Variants in FAM53B observed in about 807,000 individuals in gnomAD.
FAM53B encodes family with sequence similarity 53 member B.
A neutral mutation model predicts 32.7 loss-of-function variants in FAM53B; 12 were observed. That is an observed-to-expected ratio of 0.37 (90% CI 0.24 to 0.59). The LOEUF (loss-of-function observed/expected upper bound fraction) is 0.59, where lower values mean the gene tolerates loss of function less well. Ranked by LOEUF, FAM53B falls within the 20% of genes least tolerant of loss-of-function variation. FAM53B has a pLI of 0.72. For missense variants in FAM53B, 477 were observed against 577.7 expected (o/e 0.83, Z 1.79); for synonymous variants, 234 against 228.7 (o/e 1.02, Z -0.21).
chr10:124,734,653 C>T (rs113014144), intron 1 of FAM53B, among the ~76,000 whole-genome samples: 4,258 of 152,324 alleles, frequency 0.028, 97 homozygotes, highest in Non-Finnish European at 0.045. Flanking sequence ...GGGGCTGTCA[C>T]AGTCTGGAGT....
At chr10:124,673,506 C>T (rs1949719537) in intron 4 of FAM53B, among the ~76,000 whole-genome samples, 1 of 152,226 alleles carries the variant, frequency 6.6e-6, no homozygotes. Flanking sequence ...ACCCCGAGCC[C>T]TCCTGCATGG....
rs1210968941 is a variant in FAM53B at position 124,733,962 on chromosome 10, C to A, written c.-175+10051G>T. On this transcript the variant is annotated intron_variant, in intron 1 of 4. Transcript: ENST00000337318. The surrounding 1 kb of genome is among the most constrained non-coding windows in gnomAD (Gnocchi z 4.3). ...TCCCATGGTGCTGTGACTGGGGACA[C>A]CTGCTCTCCTGGTCTCGAATGTCTC... Among the ~76,000 whole-genome samples the A allele has an allele frequency of 6.6e-6, 1 of 152,220 alleles. No individual in the cohort carries two copies. Among genetic ancestry groups the A allele is most frequent in the Non-Finnish European group, 1.5e-5 (1 of 68,044 alleles).
intron 1 of FAM53B, among the ~76,000 whole-genome samples, chr10:124,739,265 T>C (rs1950187836): frequency 6.6e-6 from 1 of 152,246 alleles, no homozygotes. Context: ...TTCCTGGCTT[T>C]CTGCCTTCCG....
At chr10:124,734,650 TCA>T (rs1300050725) in intron 1 of FAM53B, among the ~76,000 whole-genome samples, 4 of 152,196 alleles carry the variant, frequency 2.6e-5, no homozygotes, top group African/African-American at 4.8e-5. Flanking sequence ...GGAGGGGCTG[TCA>T]CAGTCTGGAG....
intron 4 of FAM53B, among the ~76,000 whole-genome samples, chr10:124,631,233 C>T (rs778162928): frequency 2.0e-5 from 3 of 152,202 alleles, no homozygotes; most frequent in African/African-American, 4.8e-5. Context: ...GTAGCCTTGC[C>T]TACGGTAACT....
chr10:124,731,612 C>G (rs972358689), intron 1 of FAM53B, among the ~76,000 whole-genome samples: 1 of 150,508 alleles, frequency 6.6e-6, no homozygotes, highest in South Asian at 2.1e-4. Context: ...AGACGTTGAG[C>G]TCTACTAGTT....
chr10:124,661,113 G>A (rs189785072), intron 4 of FAM53B, among the ~76,000 whole-genome samples: 2 of 150,582 alleles, frequency 1.3e-5, no homozygotes, highest in Admixed American at 1.3e-4. Context: ...GGGCTATGGT[G>A]TGCTGACCCC....
intron 1 of FAM53B, among the ~76,000 whole-genome samples, chr10:124,743,758 G>A (rs937564204): frequency 3.3e-5 from 5 of 152,010 alleles, no homozygotes; most frequent in African/African-American, 1.2e-4. Flanking sequence ...CCATGCCTGT[G>A]CTCTGACAAG....
At chr10:124,726,343 T>A (rs910887070) in intron 1 of FAM53B, among the ~76,000 whole-genome samples, 1 of 152,178 alleles carries the variant, frequency 6.6e-6, no homozygotes, top group African/African-American at 2.4e-5. Flanking sequence ...AAGATGATCC[T>A]TGGCCTTCAG....
At position 124,733,576 on chromosome 10, in the gene FAM53B, C is replaced by T. The variant is rs551469912; in HGVS notation, c.-175+10437G>A. Among the ~76,000 whole-genome samples the T allele has an allele frequency of 5.9e-5, 9 of 152,320 alleles. No homozygotes were observed. Among genetic ancestry groups the T allele is most frequent in the African/African-American group, 1.9e-4 (8 of 41,568 alleles). Reference sequence around the variant, plus strand: ...AATCAGACTGTTTCAACTCACACAACGCCAGAACTTTGACTTCTTTAGTTC... The same window carrying T: ...AATCAGACTGTTTCAACTCACACAATGCCAGAACTTTGACTTCTTTAGTTC... On this transcript the variant is annotated intron_variant, in intron 1 of 4. Transcript: ENST00000337318. This position sits in a 1 kb window ranked among gnomAD's most constrained non-coding sequence, Gnocchi z 4.3.
At chr10:124,704,844 A>G (rs1949941016) in intron 2 of FAM53B, among the ~76,000 whole-genome samples, 1 of 152,222 alleles carries the variant, frequency 6.6e-6, no homozygotes, top group Non-Finnish European at 1.5e-5. Context: ...AGCCAGAGGC[A>G]GGGGACCAGT....
At chr10:124,638,322 A>G (rs191427772) in intron 4 of FAM53B, among the ~76,000 whole-genome samples, 9 of 152,250 alleles carry the variant, frequency 5.9e-5, no homozygotes, top group Admixed American at 4.6e-4. Context: ...GTGAGCCAAG[A>G]TTGCACCACT....
At chr10:124,695,147 A>G (rs1441069164) in intron 3 of FAM53B, among the ~76,000 whole-genome samples, 1 of 152,108 alleles carries the variant, frequency 6.6e-6, no homozygotes, top group African/African-American at 2.4e-5. Flanking sequence ...GGCAAGGGAG[A>G]CTCTGAGGTC....
intron 1 of FAM53B, among the ~76,000 whole-genome samples, chr10:124,719,006 C>T (rs1042365773): frequency 6.6e-6 from 1 of 151,166 alleles, no homozygotes; most frequent in African/African-American, 2.4e-5. Flanking sequence ...CACTTCACTA[C>T]AGCTTAAGTG....
rs570391056 is a variant in FAM53B at position 124,644,575 on chromosome 10, A to G, written c.907-20971T>C. 1.1e-4 allele frequency among the ~76,000 whole-genome samples: 16 copies of G among 152,242 alleles called. No homozygotes were observed. The South Asian group carries it at 3.3e-3, about 32-fold the overall frequency. On this transcript the variant is annotated intron_variant, in intron 4 of 4. Coordinates refer to ENST00000337318, the MANE Select transcript of FAM53B (RefSeq NM_014661.4). ...GCACTCAGCAACCCTTCTCCAAATT[A>G]CCAGGGTTTCCTCCTGGCAGGAACA...
At chr10:124,650,665 C>T (rs1310500004) in intron 4 of FAM53B, among the ~76,000 whole-genome samples, 1 of 152,152 alleles carries the variant, frequency 6.6e-6, no homozygotes. Context: ...ACTCCAGAGG[C>T]GCTGTTTTCT....
intron 1 of FAM53B, among the ~76,000 whole-genome samples, chr10:124,728,341 T>C (rs1047951669): frequency 4.6e-5 from 7 of 152,182 alleles, no homozygotes; most frequent in Non-Finnish European, 8.8e-5. Flanking sequence ...TGGGAGGCTG[T>C]GGCACCCATT....
At chr10:124,677,509 G>A (rs2134066227) in intron 4 of FAM53B, among the ~76,000 whole-genome samples, 1 of 152,370 alleles carries the variant, frequency 6.6e-6, no homozygotes, top group Admixed American at 6.5e-5. Flanking sequence ...GTGGAACCAA[G>A]TGGTTGTAAT....
At chr10:124,661,472 C>T (rs1949630900) in intron 4 of FAM53B, among the ~76,000 whole-genome samples, 1 of 152,188 alleles carries the variant, frequency 6.6e-6, no homozygotes, top group African/African-American at 2.4e-5. Context: ...CCTGAAAGGG[C>T]CCAAACAGGA....
Sources: gnomAD v4.1 joint callset for allele counts (sites outside exome capture counted in the v4.1 genomes callset) on GRCh38, gnomAD v4.1.1 for gene constraint, Gnocchi (gnomAD v3.1) non-coding constraint, MANE v1.5 for transcripts, NCBI Gene and HGNC (gene_info 2026-07-23, HGNC 2026-07-21) for gene names.